Variants in GRIN2A observed in about 807,000 individuals in gnomAD.
GRIN2A encodes glutamate ionotropic receptor NMDA type subunit 2A.
GRIN2A carries 22 observed loss-of-function variants against 113.4 expected under a neutral mutation model. The ratio of observed to expected loss-of-function variants is 0.19; its 90% CI spans 0.14 to 0.28. The LOEUF (loss-of-function observed/expected upper bound fraction) is 0.28, where lower values mean the gene tolerates loss of function less well. GRIN2A is among the 10% of genes least tolerant of loss of function. The pLI is 1.00. For synonymous variants in GRIN2A, 827 were observed against 738.4 expected, an observed-to-expected ratio of 1.12 and a Z score of -1.94; for missense variants, 1,502 against 1,887.0, an observed-to-expected ratio of 0.80 and a Z score of 3.78.
chr16:9,934,037 G>A (rs2044656666), intron 3 of GRIN2A, among the ~76,000 whole-genome samples: 2 of 152,164 alleles, frequency 1.3e-5, no homozygotes, highest in South Asian at 4.1e-4. Flanking sequence ...GGAGAGAACA[G>A]GAGAAAACTG....
intron 2 of GRIN2A, among the ~76,000 whole-genome samples, chr16:10,063,321 A>G (rs1266351028): frequency 3.9e-5 from 6 of 152,214 alleles, no homozygotes; most frequent in African/African-American, 9.6e-5. Context: ...GAATATACCC[A>G]TGAAACAACC....
chr16:9,977,623 C>T (rs1466147229), intron 2 of GRIN2A, among the ~76,000 whole-genome samples: 2 of 152,164 alleles, frequency 1.3e-5, no homozygotes, highest in Non-Finnish European at 2.9e-5. Flanking sequence ...TCATTAACCA[C>T]AGCACACGTT....
At chr16:10,098,297 A>T (rs563095098) in intron 2 of GRIN2A, among the ~76,000 whole-genome samples, 24 of 152,274 alleles carry the variant, frequency 1.6e-4, no homozygotes, top group Admixed American at 2.6e-4. Context: ...TCAAAAAATT[A>T]AAAAAATAGA....
chr16:10,057,137 CTTTA>C (rs2047470371), intron 2 of GRIN2A, among the ~76,000 whole-genome samples: 1 of 152,154 alleles, frequency 6.6e-6, no homozygotes, highest in Non-Finnish European at 1.5e-5. Context: ...TTCACACATA[CTTTA>C]TTTAGGGTCT....
At chr16:10,149,569 G>T (rs1070474) in intron 2 of GRIN2A, among the ~76,000 whole-genome samples, 84,737 of 151,848 alleles carry the variant, frequency 0.56, 24,738 homozygotes, top group East Asian at 0.9. Flanking sequence ...CTGTTACTCC[G>T]CACATCAAAT....
At chr16:10,068,849 A>G (rs1023502275) in intron 2 of GRIN2A, among the ~76,000 whole-genome samples, 33 of 152,232 alleles carry the variant, frequency 2.2e-4, no homozygotes, top group African/African-American at 6.8e-4. Flanking sequence ...GAAGGATGGC[A>G]GAGTTTTGGG....
intron 4 of GRIN2A, among the ~76,000 whole-genome samples, chr16:9,882,411 T>A: frequency 6.6e-6 from 1 of 152,192 alleles, no homozygotes; most frequent in Non-Finnish European, 1.5e-5. Flanking sequence ...TGGAATCTAC[T>A]TTATTTCACA....
chr16:10,053,846 G>A (rs2047400861), intron 2 of GRIN2A, among the ~76,000 whole-genome samples: 1 of 152,072 alleles, frequency 6.6e-6, no homozygotes, highest in Admixed American at 6.5e-5. Context: ...ATGACAATAA[G>A]AAGTTAAAAT....
chr16:9,843,778 T>C (rs541100240), intron 5 of GRIN2A, among the ~76,000 whole-genome samples: 13 of 152,202 alleles, frequency 8.5e-5, no homozygotes, highest in Admixed American at 2.6e-4. Context: ...TATTTACATG[T>C]GATGATTAGT....
intron 2 of GRIN2A, among the ~76,000 whole-genome samples, chr16:10,064,908 C>G (rs7192440): frequency 6.6e-6 from 1 of 152,150 alleles, no homozygotes; most frequent in Admixed American, 6.5e-5. Flanking sequence ...TTCATCCAAA[C>G]GGACGAATCC....
At position 9,865,312 on chromosome 16, in the gene GRIN2A, A is replaced by C. The variant is rs146519616; in HGVS notation, c.1123-15351T>G. Among the ~76,000 whole-genome samples the C allele has an allele frequency of 3.6e-3, 543 of 152,232 alleles. 3 individuals carry two copies. The highest frequency in any genetic ancestry group is 0.012 in the African/African-American group (505 of 41,552). ...AACCCACCACCGTCAATCCAATTTC[A>C]CCCAAACCAATTATCCCCATCTCAG... On this transcript the variant is annotated intron_variant, in intron 4 of 12. Coordinates refer to ENST00000330684, the MANE Select transcript of GRIN2A (RefSeq NM_001134407.3).
chr16:10,104,830 C>T (rs1228953975), intron 2 of GRIN2A, among the ~76,000 whole-genome samples: 1 of 152,108 alleles, frequency 6.6e-6, no homozygotes, highest in African/African-American at 2.4e-5. Flanking sequence ...TGAGGAGAAA[C>T]AGGACAGGTT....
chr16:10,107,075 A>G (rs2048514170), intron 2 of GRIN2A, among the ~76,000 whole-genome samples: 1 of 152,222 alleles, frequency 6.6e-6, no homozygotes, highest in Non-Finnish European at 1.5e-5. Context: ...TCATGAAGCA[A>G]GACAAAGAAT....
At position 10,067,301 on chromosome 16, in the gene GRIN2A, C is replaced by G. The variant is rs540193927; in HGVS notation, c.414+112697G>C. Among the ~76,000 whole-genome samples the G allele has an allele frequency of 9.2e-4, 140 of 152,292 alleles. 1 individual carries two copies. The highest frequency in any genetic ancestry group is 3.2e-3 in the African/African-American group (131 of 41,554). On this transcript the variant is annotated intron_variant, in intron 2 of 12. Coordinates refer to ENST00000330684, the MANE Select transcript of GRIN2A (RefSeq NM_001134407.3). ...CCCACGAAAAATTCACACTCCATCT[C>G]TGAATGAGGAGGCTAGGTTTTTCCA...
chr16:10,054,959 A>G (rs1033806592), intron 2 of GRIN2A, among the ~76,000 whole-genome samples: 3 of 148,148 alleles, frequency 2.0e-5, no homozygotes, highest in Non-Finnish European at 4.5e-5. Context: ...GAGGCAGGAG[A>G]ATCGCTTGAA....
At chr16:9,964,844 C>A (rs1382072382) in intron 2 of GRIN2A, among the ~76,000 whole-genome samples, 1 of 152,214 alleles carries the variant, frequency 6.6e-6, no homozygotes, top group African/African-American at 2.4e-5. Context: ...CCCCTTTACA[C>A]TATAAGCAAC....
intron 10 of GRIN2A, among the ~76,000 whole-genome samples, chr16:9,813,001 C>T (rs2141274066): frequency 6.6e-6 from 1 of 152,312 alleles, no homozygotes; most frequent in African/African-American, 2.4e-5. Flanking sequence ...AAGCGTGCCT[C>T]AAACAGAACA....
At chr16:9,990,176 A>G (rs1208300631) in intron 2 of GRIN2A, among the ~76,000 whole-genome samples, 2 of 152,188 alleles carry the variant, frequency 1.3e-5, no homozygotes, top group Non-Finnish European at 2.9e-5. Flanking sequence ...TGTGATATAT[A>G]TACACTATGG....
chr16:9,908,239 C>T (rs1335676862), intron 3 of GRIN2A, among the ~76,000 whole-genome samples: 1 of 152,098 alleles, frequency 6.6e-6, no homozygotes, highest in African/African-American at 2.4e-5. Context: ...CTGCAAGTCC[C>T]AGTCACTGCT....
Sources: allele counts gnomAD v4.1 joint callset (sites outside exome capture counted in the v4.1 genomes callset), GRCh38; gene constraint gnomAD v4.1.1; transcripts MANE v1.5; gene names NCBI Gene and HGNC (gene_info 2026-07-23, HGNC 2026-07-21).